TAFA1: variants seen among roughly 807,000 people sequenced by gnomAD.
TAFA1 encodes chemokine-like protein TAFA-1.
Under a neutral mutation model 18.5 loss-of-function variants are expected in TAFA1, and 4 were observed. That is an observed-to-expected ratio of 0.22 (90% CI 0.11 to 0.49). The LOEUF is 0.49. Ranked by LOEUF, TAFA1 falls within the 20% of genes least tolerant of loss-of-function variation. The pLI, the probability that TAFA1 is intolerant of heterozygous loss-of-function variation, is 0.98. For missense variants in TAFA1, 147 were observed against 169.0 expected, an observed-to-expected ratio of 0.87 and a Z score of 0.72; for synonymous variants, 56 against 55.2, an observed-to-expected ratio of 1.01 and a Z score of -0.06.
intron 2 of TAFA1, among the ~76,000 whole-genome samples, chr3:68,086,731 T>C (rs1425155357): frequency 6.6e-6 from 1 of 152,140 alleles, no homozygotes; most frequent in East Asian, 1.9e-4. Context: ...GATTTTGAAA[T>C]TGTCAGACTT....
chr3:68,522,814 ACTCCAG>A (rs1328288728), intron 3 of TAFA1, among the ~76,000 whole-genome samples: 1 of 148,006 alleles, frequency 6.8e-6, no homozygotes, highest in Non-Finnish European at 1.5e-5. Flanking sequence ...ATACCACTGT[ACTCCAG>A]CCTGGGCGAC....
chr3:68,433,967 G>A (rs1461085555), intron 3 of TAFA1, among the ~76,000 whole-genome samples: 1 of 152,020 alleles, frequency 6.6e-6, no homozygotes, highest in East Asian at 1.9e-4. Context: ...ATGTGTAAAG[G>A]ACATTCTTTT....
At chr3:68,533,718 T>C (rs1348529052) in intron 3 of TAFA1, among the ~76,000 whole-genome samples, 2 of 152,142 alleles carry the variant, frequency 1.3e-5, no homozygotes, top group African/African-American at 2.4e-5. Context: ...CCTGTGAAGA[T>C]AAGCTGTTAA....
At chr3:68,216,370 A>C (rs1320436523) in intron 2 of TAFA1, among the ~76,000 whole-genome samples, 1 of 152,108 alleles carries the variant, frequency 6.6e-6, no homozygotes, top group Non-Finnish European at 1.5e-5. Flanking sequence ...ATGACTAAAA[A>C]TCCTAATTCT....
At chr3:68,356,553 G>A (rs1283669608) in intron 2 of TAFA1, among the ~76,000 whole-genome samples, 2 of 151,772 alleles carry the variant, frequency 1.3e-5, no homozygotes, top group Non-Finnish European at 2.9e-5. Flanking sequence ...GCACTTAACC[G>A]TGTACTGGGC....
intron 3 of TAFA1, among the ~76,000 whole-genome samples, chr3:68,505,767 T>C (rs866733693): frequency 3.3e-5 from 5 of 152,104 alleles, no homozygotes; most frequent in African/African-American, 4.8e-5. Flanking sequence ...GTTTGCAACA[T>C]GGTGGTTTGC....
chr3:68,262,899 C>A (rs575618612), intron 2 of TAFA1, among the ~76,000 whole-genome samples: 1 of 152,106 alleles, frequency 6.6e-6, no homozygotes, highest in African/African-American at 2.4e-5. Context: ...AAATGTTGTA[C>A]GCATTTTAAA....
chr3:68,489,378 T>C (rs2072409256), intron 3 of TAFA1, among the ~76,000 whole-genome samples: 2 of 152,226 alleles, frequency 1.3e-5, no homozygotes, highest in African/African-American at 4.8e-5. Flanking sequence ...TATTTTGATA[T>C]GAAATTTTTT....
chr3:68,259,518 T>G (rs1432399227), intron 2 of TAFA1, among the ~76,000 whole-genome samples: 1 of 152,192 alleles, frequency 6.6e-6, no homozygotes, highest in East Asian at 1.9e-4. Flanking sequence ...ATCTATAAAT[T>G]ACCTTGGGCA....
chr3:68,043,836 G>GT (rs914510399), intron 2 of TAFA1, among the ~76,000 whole-genome samples: 53 of 150,780 alleles, frequency 3.5e-4, no homozygotes, highest in East Asian at 2.1e-3. Context: ...ATTCATTTCT[G>GT]TTTTTTTTTA....
At chr3:68,384,491 G>T (rs2106685323) in intron 2 of TAFA1, among the ~76,000 whole-genome samples, 1 of 152,020 alleles carries the variant, frequency 6.6e-6, no homozygotes, top group Admixed American at 6.6e-5. Flanking sequence ...GAATTTCTTT[G>T]TTTTGATTTC....
chr3:68,275,209 A>G (rs1456016264), intron 2 of TAFA1, among the ~76,000 whole-genome samples: 2 of 152,114 alleles, frequency 1.3e-5, no homozygotes, highest in African/African-American at 4.8e-5. Context: ...TAGGTCTAGG[A>G]CTAAAAGAGG....
intron 2 of TAFA1, among the ~76,000 whole-genome samples, chr3:68,086,080 T>C (rs907702890): frequency 3.3e-5 from 5 of 152,196 alleles, no homozygotes; most frequent in African/African-American, 9.7e-5. Context: ...CATTTGTAAA[T>C]ATTAATACTA....
At chr3:68,439,665 T>A (rs561217163) in intron 3 of TAFA1, among the ~76,000 whole-genome samples, 3 of 151,820 alleles carry the variant, frequency 2.0e-5, no homozygotes, top group Non-Finnish European at 1.5e-5. Context: ...CTGGCTGTGC[T>A]GGTAGCTGAT....
chr3:68,532,910 T>A (rs946205329), intron 3 of TAFA1, among the ~76,000 whole-genome samples: 6 of 145,986 alleles, frequency 4.1e-5, no homozygotes, highest in East Asian at 2.1e-4. Flanking sequence ...ATAATAATAA[T>A]AAAAGTCTGA....
chr3:68,466,177 G>T (rs768833422), intron 3 of TAFA1, among the ~76,000 whole-genome samples: 3 of 151,882 alleles, frequency 2.0e-5, no homozygotes, highest in African/African-American at 7.3e-5. Context: ...TTCACTTCTC[G>T]GTAAAGCATT....
rs142663643 is a variant in TAFA1, at chr3:68,075,303, T to C, written c.118+68559T>C. On this transcript the variant is annotated intron_variant, in intron 2 of 4. Transcript: ENST00000478136. The stretch of plus-strand genomic sequence containing the variant: ...ATTCTGACTCTTACTCCTAGGCTAA[T>C]AGACTATTTGTGACCTTCAATGAGT... 4.3e-4 allele frequency among the ~76,000 whole-genome samples: 66 copies of C among 152,318 alleles called. 2 individuals are homozygous for C. Among genetic ancestry groups the C allele is most frequent in the African/African-American group, 1.5e-3 (61 of 41,560 alleles).
At chr3:68,479,839 C>T (rs370962458) in intron 3 of TAFA1, among the ~76,000 whole-genome samples, 1 of 151,986 alleles carries the variant, frequency 6.6e-6, no homozygotes, top group Non-Finnish European at 1.5e-5. Flanking sequence ...AACATATATA[C>T]ATACATGCAC....
intron 2 of TAFA1, among the ~76,000 whole-genome samples, chr3:68,334,655 C>G (rs2068940853): frequency 1.3e-5 from 2 of 151,998 alleles, no homozygotes; most frequent in Admixed American, 1.3e-4. Context: ...GATCAGGTAC[C>G]ACATTTTGAT....
Sources: allele counts gnomAD v4.1 joint callset (sites outside exome capture counted in the v4.1 genomes callset), GRCh38; gene constraint gnomAD v4.1.1; transcripts MANE v1.5; gene names NCBI Gene and HGNC (gene_info 2026-07-23, HGNC 2026-07-21).